The following OPLAH variants were observed in gnomAD, a reference collection of about 807,000 sequenced individuals.
OPLAH encodes 5-oxoprolinase.
Under a neutral mutation model 122.8 loss-of-function variants are expected in OPLAH, and 103 were observed. The ratio of observed to expected loss-of-function variants is 0.84; its 90% CI spans 0.71 to 0.99. The LOEUF is 0.99. Ranked by LOEUF, OPLAH falls within the 50% of genes least tolerant of loss-of-function variation. OPLAH has a pLI of 0.00. For missense variants in OPLAH, 1,902 were observed against 1,836.5 expected (o/e 1.04, Z -0.65); for synonymous variants, 875 against 796.0 (o/e 1.10, Z -1.67).
Position 144,051,351 on chromosome 8 carries a change from T to C in OPLAH, c.3842A>G (p.Tyr1281Cys). 1 of 1,611,414 alleles carries C rather than the reference T, an allele frequency of 6.2e-7. No individual in the cohort carries two copies. Among genetic ancestry groups the C allele is most frequent in the Non-Finnish European group, 8.5e-7 (1 of 1,179,304 alleles). Residue 1281 changes from tyrosine to cysteine, a missense_variant, in exon 27 of 27, where the codon TAT becomes TGT. Around this residue, in one of 3 missense-constraint regions of OPLAH, gnomAD observed 1,726 missense variants for 1,642.1 expected, o/e 1.05. Transcript: ENST00000618853. ...AFPEHGSVYE[Y>C]RRAQEAV ...TCACACGGCCTCCTGGGCCCGGCGA[T>C]ACTCATAGACGCTGCCGTGCTCGGG...
chr8:144,050,692 C>G, downstream of OPLAH: 1 of 985,594 alleles, frequency 1.0e-6, no homozygotes, highest in Non-Finnish European at 1.2e-6. Context: ...GCCCTGGGCC[C>G]TGGGTATCGT....
In OPLAH at chr8:144,056,600, A is replaced by G; in HGVS notation, c.1844+18T>C. 6.2e-7 allele frequency: 1 copy of G among 1,612,210 alleles called. No individual in the cohort carries two copies. Among genetic ancestry groups the G allele is most frequent in the Non-Finnish European group, 8.5e-7 (1 of 1,179,748 alleles). ...GGAGGGCCCCTTGCCAGGGATCCGGAGTCAGGAAGCCACGTACCGCTCCAC... is the reference window on the plus strand; with the variant it reads ...GGAGGGCCCCTTGCCAGGGATCCGGGGTCAGGAAGCCACGTACCGCTCCAC... On this transcript the variant is annotated intron_variant, in intron 13 of 26. Transcript: ENST00000618853.
At position 144,056,406 on chromosome 8, in the gene OPLAH, G is replaced by A. The variant is rs782092076; in HGVS notation, c.1962C>T (p.Thr654=). 2.5e-6 allele frequency: 4 copies of A among 1,607,054 alleles called. No homozygotes were observed. Among genetic ancestry groups the A allele is most frequent in the South Asian group, 1.1e-5 (1 of 90,438 alleles). Residue 654 remains threonine, a synonymous_variant, in exon 14 of 27, where the codon ACC becomes ACT. Transcript: ENST00000618853. ...LRLEDAPKAQ[T]GPPRVDKMTQ... ...CAACCTTGTCCACCCGGGGAGGCCC[G>A]GTCTGGGCTTTGGGGGCATCCTCGA... is the stretch of plus-strand genomic sequence containing the variant.
Position 144,058,111 on chromosome 8 carries a change from G to C in OPLAH, c.987C>G (p.Phe329Leu), listed in dbSNP as rs781839720. 6.2e-7 allele frequency: 1 copy of C among 1,612,428 alleles called. No individual in the cohort carries two copies. The highest frequency in any genetic ancestry group is 2.2e-5 in the East Asian group (1 of 44,896). Residue 329 changes from phenylalanine (F) to leucine (L), a missense_variant, in exon 8 of 27, where the codon TTC (phenylalanine) becomes TTG (leucine). Around this residue, in one of 3 missense-constraint regions of OPLAH, gnomAD observed 1,726 missense variants for 1,642.1 expected, o/e 1.05. Transcript: ENST00000618853. ...STDVSRYAGEFEHVFEASTAG... is the reference protein window; with the variant it reads ...STDVSRYAGELEHVFEASTAG... ...CTGTGCTGGCCTCGAAGACGTGCTC[G>C]AATTCCCCAGCATAGCGGCTCACAT...
rs374219012 is a variant in OPLAH at position 144,057,472 on chromosome 8, G to A, written c.1398C>T (p.Cys466=). The A allele has an allele frequency of 2.7e-5, 43 of 1,590,538 alleles. No individual in the cohort carries two copies. The highest frequency in any genetic ancestry group is 3.5e-5 in the Non-Finnish European group (41 of 1,169,010). Residue 466 remains cysteine (C), a synonymous_variant, in exon 10 of 27, where the codon TGC becomes TGT. Coordinates refer to ENST00000618853, the MANE Select transcript of OPLAH (RefSeq NM_017570.5). The part of the protein sequence containing the change: ...GFVRVANEAM[C]RPIRALTQAR... ...CCTGCGTGAGTGCACGGATGGGCCG[G>A]CACATGGCCTCGTTGGCCACGCGCA...
rs540750311 is a variant in OPLAH, at chr8:144,059,759, G to A, written c.203C>T (p.Pro68Leu). ...GCTGGCGATATGACTGGAGTCCAGCGGCTGGTCCCGGGGCAGGAGCATGCC... is the reference window on the plus strand; with the variant it reads ...GCTGGCGATATGACTGGAGTCCAGCAGCTGGTCCCGGGGCAGGAGCATGCC... ...EAGMLLPRDQ[P>L]LDSSHIASIR... Residue 68 changes from proline to leucine, a missense_variant, in exon 3 of 27, where the codon CCG (proline) becomes CTG (leucine). This residue lies in a region of OPLAH where 168 missense variants were observed against 170.6 expected (regional missense o/e 0.98). Transcript: ENST00000618853. 45 of 1,609,300 alleles carry A rather than the reference G, an allele frequency of 2.8e-5. No individual in the cohort carries two copies. The highest frequency in any genetic ancestry group is 2.0e-4 in the African/African-American group (15 of 74,928).
Position 144,051,954 on chromosome 8 carries a change from A to G in OPLAH, c.3584T>C (p.Leu1195Pro), listed in dbSNP as rs1322417150. The G allele has an allele frequency of 6.4e-7, 1 of 1,560,756 alleles. No homozygotes were observed. The highest frequency in any genetic ancestry group is 1.1e-5 in the South Asian group (1 of 87,406). ...TGGCCGGAAGGCGCGGCGCTCGGTC[A>G]GCACTGACAGCAGCGCCTCCTCACG... ...LFREEALLSVLTERRAFRPYG... is the reference protein window; with the variant it reads ...LFREEALLSVPTERRAFRPYG... Residue 1195 changes from leucine (L) to proline (P), a missense_variant, in exon 25 of 27, where the codon CTG (leucine) becomes CCG (proline). Coordinates refer to ENST00000618853, the MANE Select transcript of OPLAH (RefSeq NM_017570.5).
chr8:144,061,818 C>T (rs1835668836), upstream of OPLAH, among the ~76,000 whole-genome samples: 1 of 152,134 alleles, frequency 6.6e-6, no homozygotes, highest in South Asian at 2.1e-4. Flanking sequence ...GTCAAGAGAT[C>T]AAGACCATCC....
Position 144,051,492 on chromosome 8 carries a change from C to CGGGGGGGGGGGGGGG in OPLAH, c.3721-21_3721-20insCCCCCCCCCCCCCCC. On this transcript the variant is annotated intron_variant, in intron 26 of 26. Transcript: ENST00000618853. ...CACATCCTGTTGGCGCGGGGGGGGG[C>CGGGGGGGGGGGGGGG]GGGGAGGCGGGCTCAGTGCAGGCGT... The CGGGGGGGGGGGGGGG allele has an allele frequency of 2.4e-6, 1 of 413,256 alleles. No individual in the cohort carries two copies. Among genetic ancestry groups the CGGGGGGGGGGGGGGG allele is most frequent in the Non-Finnish European group, 3.4e-6 (1 of 292,060 alleles). The allele number at this position is 413,256 out of a possible 1,614,324, so 25.6% of individuals were successfully genotyped here.
intron 1 of OPLAH, 63 bp downstream of exon 1, chr8:144,060,590 G>A (rs1835644128): frequency 6.7e-6 from 1 of 149,436 alleles, no homozygotes; most frequent in South Asian, 2.0e-4. Context: ...GGGCCGCGGA[G>A]GGGAAGCCCG....
At chr8:144,060,425 G>A (rs1564295434) in intron 1 of OPLAH, among the ~76,000 whole-genome samples, 1 of 152,262 alleles carries the variant, frequency 6.6e-6, no homozygotes, top group Non-Finnish European at 1.5e-5. Context: ...TGCGGGGAGG[G>A]GGTTTGGGGC....
In OPLAH at chr8:144,051,744, C is replaced by T; in HGVS notation, c.3705G>A (p.Val1235=). ...RTVNLGGKTS[V]TVYPGDVFCL... is the part of the protein sequence containing the mutation. ...CGGCCCTTACCCCGGGGTACACGGT[C>T]ACCGACGTCTTGCCGCCCAGATTCA... Residue 1235 remains valine, a synonymous_variant, in exon 26 of 27, where the codon GTG becomes GTA. Transcript: ENST00000618853. 6.2e-7 allele frequency: 1 copy of T among 1,605,156 alleles called. No individual in the cohort carries two copies. Among genetic ancestry groups the T allele is most frequent in the South Asian group, 1.1e-5 (1 of 89,800 alleles).
Position 144,055,737 on chromosome 8 carries a change from A to C in OPLAH, c.2248+51T>G. The C allele has an allele frequency of 6.9e-7, 1 of 1,444,392 alleles. No homozygotes were observed. 89.5% of individuals were successfully genotyped at this position (1,444,392 alleles called of 1,614,324 possible). A position where few individuals can be genotyped will look rare whatever the true frequency, so the allele number is the denominator to read the frequency against. ...TGGGCACAGCCCTGCCAGCTACCCC[A>C]TGACACAGCCGGCGCCTCATCCCAC... is the stretch of plus-strand genomic sequence containing the variant. On this transcript the variant is annotated intron_variant, in intron 16 of 26. Transcript: ENST00000618853. The surrounding 1 kb of genome is among the most constrained non-coding windows in gnomAD (Gnocchi z 6.5).
chr8:144,052,877 G>T lies in OPLAH; in HGVS notation c.3042C>A (p.Ser1014Arg). Residue 1014 changes from serine (S) to arginine (R), a missense_variant, in exon 22 of 27, where the codon AGC (serine) becomes AGA (arginine). By Grantham distance (110) the Ser-to-Arg change is moderately radical. This residue lies in a region of OPLAH where 1,726 missense variants were observed against 1,642.1 expected (regional missense o/e 1.05). Coordinates refer to ENST00000618853, the MANE Select transcript of OPLAH (RefSeq NM_017570.5). ...LSQGSAVFDF[S>R]GTGPEVFGNL... ...TACCAAACACCTCCGGCCCAGTGCC[G>T]CTGAAGTCAAACACGGCGCTGCCCT... 1 of 1,554,968 alleles carries T rather than the reference G, an allele frequency of 6.4e-7. No homozygotes were observed. Among genetic ancestry groups the T allele is most frequent in the Non-Finnish European group, 8.7e-7 (1 of 1,149,846 alleles).
At position 144,058,295 on chromosome 8, in the gene OPLAH, G is replaced by A. The variant is rs1554759918; in HGVS notation, c.893C>T (p.Ser298Leu). 3 of 1,609,846 alleles carry A rather than the reference G, an allele frequency of 1.9e-6. No individual in the cohort carries two copies. The highest frequency in any genetic ancestry group is 2.2e-5 in the East Asian group (1 of 44,804). ...ACCCTCCTGCTGGTAGGTGGTGGCT[G>A]AGTAGCCCACCACGCCGCCGGCCGG... Reference protein sequence around the residue: ...SGPAGGVVGYSATTYQQEGGQ... With the variant: ...SGPAGGVVGYLATTYQQEGGQ... The change falls in exon 7 of 27, where the codon TCA becomes TTA. Residue 298 changes from serine to leucine, a missense_variant. By Grantham distance (145) the Ser-to-Leu change is moderately radical (BLOSUM62 -2). Around this residue, in one of 3 missense-constraint regions of OPLAH, gnomAD observed 1,726 missense variants for 1,642.1 expected, o/e 1.05. Coordinates refer to ENST00000618853, the MANE Select transcript of OPLAH (RefSeq NM_017570.5).
upstream of OPLAH, chr8:144,063,789 C>T (rs1037835565): frequency 2.4e-4 from 37 of 152,596 alleles, no homozygotes; most frequent in African/African-American, 8.9e-4. The surrounding 1 kb of genome is among the most constrained non-coding windows in gnomAD (Gnocchi z 4.2). Context: ...GCTGCAGAAG[C>T]CCAGGCTGCT....
In OPLAH at chr8:144,056,401, G is replaced by A. The variant is rs1835515434; in HGVS notation, c.1967C>T (p.Pro656Leu). 1 of 1,606,514 alleles carries A rather than the reference G, an allele frequency of 6.2e-7. No homozygotes were observed. Residue 656 changes from proline (P) to leucine (L), a missense_variant, in exon 14 of 27, where the codon CCT (proline) becomes CTT (leucine). Coordinates refer to ENST00000618853, the MANE Select transcript of OPLAH (RefSeq NM_017570.5). ...LEDAPKAQTG[P>L]PRVDKMTQCY... ...ACCACCAACCTTGTCCACCCGGGGA[G>A]GCCCGGTCTGGGCTTTGGGGGCATC...
At position 144,059,618 on chromosome 8, in the gene OPLAH, C is replaced by G; in HGVS notation, c.344G>C (p.Arg115Pro). 6.2e-7 allele frequency: 1 copy of G among 1,609,722 alleles called. No homozygotes were observed. The change falls in exon 3 of 27, where the codon CGT (arginine) becomes CCT (proline). Residue 115 changes from arginine (R) to proline (P), a missense_variant. By Grantham distance (103) the Arg-to-Pro change is moderately radical. Coordinates refer to ENST00000618853, the MANE Select transcript of OPLAH (RefSeq NM_017570.5). ...RDLLHIGTQA[R>P]GDLFDLAVPM... ...GCTCACCAGGTCAAAGAGGTCCCCA[C>G]GGGCTTGGGTGCCAATGTGCAGCAG...
rs782619629 is a variant in OPLAH, at chr8:144,056,975, T to C, written c.1679A>G (p.Asp560Gly). The change falls in exon 12 of 27, where the codon GAT (aspartate) becomes GGT (glycine). Residue 560 changes from aspartate to glycine, a missense_variant. Around this residue, in one of 3 missense-constraint regions of OPLAH, gnomAD observed 1,726 missense variants for 1,642.1 expected, o/e 1.05. Transcript: ENST00000618853. ...RLSRLEEQCV[D>G]ALQAQGFPRS... The stretch of plus-strand genomic sequence containing the variant: ...GGGGAAGCCCTGGGCCTGCAGAGCA[T>C]CCACACACTGCTCCTCCAGGCGGCT... 6.3e-7 allele frequency: 1 copy of C among 1,586,210 alleles called. No homozygotes were observed. Among genetic ancestry groups the C allele is most frequent in the African/African-American group, 1.3e-5 (1 of 74,546 alleles).
Sources: gnomAD v4.1 joint callset for allele counts (sites outside exome capture counted in the v4.1 genomes callset) on GRCh38, gnomAD v4.1.1 for gene constraint, gnomAD v4.1.1 regional missense constraint, Gnocchi (gnomAD v3.1) non-coding constraint, MANE v1.5 for transcripts, NCBI Gene and HGNC (gene_info 2026-07-23, HGNC 2026-07-21) for gene names.